The following METTL15 variants were observed in gnomAD, a reference collection of about 807,000 sequenced individuals.
METTL15 encodes the protein methyltransferase 15, mitochondrial 12S rRNA N4-cytidine.
METTL15 carries 34 observed loss-of-function variants against 38.3 expected under a neutral mutation model. The observed-to-expected ratio is 0.89, with a 90% CI of 0.68 to 1.18. The LOEUF (loss-of-function observed/expected upper bound fraction) is 1.18, where lower values mean the gene tolerates loss of function less well. Ranked by LOEUF, METTL15 falls within the 50% of genes most tolerant of loss-of-function variation. METTL15 has a pLI of 0.00. For synonymous variants in METTL15, 162 were observed against 170.9 expected, an observed-to-expected ratio of 0.95 and a Z score of 0.41; for missense variants, 438 against 498.4, an observed-to-expected ratio of 0.88 and a Z score of 1.15.
At chr11:28,111,563 GT>G (rs1851720144) in intron 2 of METTL15, among the ~76,000 whole-genome samples, 1 of 152,204 alleles carries the variant, frequency 6.6e-6, no homozygotes, top group South Asian at 2.1e-4. Context: ...AATTACATAA[GT>G]GGATTAAATA....
intron 6 of METTL15, among the ~76,000 whole-genome samples, chr11:28,435,861 T>C (rs1281804912): frequency 6.6e-6 from 1 of 152,228 alleles, no homozygotes; most frequent in African/African-American, 2.4e-5. Flanking sequence ...CCTGTGATTT[T>C]GTCTTTGCCC....
intron 4 of METTL15, among the ~76,000 whole-genome samples, chr11:28,248,719 G>A (rs1854614672): frequency 6.6e-6 from 1 of 151,776 alleles, no homozygotes; most frequent in Non-Finnish European, 1.5e-5. Context: ...TCCACAAAAT[G>A]AAAGTTATTT....
intron 5 of METTL15, among the ~76,000 whole-genome samples, chr11:28,398,138 G>T (rs994446270): frequency 6.6e-6 from 1 of 151,144 alleles, no homozygotes; most frequent in Non-Finnish European, 1.5e-5. Flanking sequence ...ACCTAATTGT[G>T]CATCACACCA....
intron 4 of METTL15, among the ~76,000 whole-genome samples, chr11:28,286,891 G>C (rs1248900634): frequency 6.6e-6 from 1 of 151,416 alleles, no homozygotes; most frequent in Non-Finnish European, 1.5e-5. Flanking sequence ...CGCACACACA[G>C]ACTATATATA....
intron 5 of METTL15, among the ~76,000 whole-genome samples, chr11:28,405,594 C>T (rs1363214518): frequency 6.6e-6 from 1 of 152,060 alleles, no homozygotes; most frequent in Admixed American, 6.6e-5. Context: ...CGTGTGAGAA[C>T]ATTACGGGCT....
At chr11:28,198,911 C>T (rs1222977766) in intron 3 of METTL15, among the ~76,000 whole-genome samples, 3 of 151,422 alleles carry the variant, frequency 2.0e-5, no homozygotes, top group Non-Finnish European at 2.9e-5. Context: ...TGATTCAGCA[C>T]ACAATGGTAG....
At chr11:28,531,304 A>G (rs1445101771), downstream of METTL15, among the ~76,000 whole-genome samples, 1 of 152,068 alleles carries the variant, frequency 6.6e-6, no homozygotes, top group Non-Finnish European at 1.5e-5. Flanking sequence ...TTTTCCTTGT[A>G]TCATGCTTTT....
chr11:28,238,057 A>G (rs938264590), intron 4 of METTL15, among the ~76,000 whole-genome samples: 1 of 152,198 alleles, frequency 6.6e-6, no homozygotes, highest in Non-Finnish European at 1.5e-5. Context: ...GTCAGGGGTC[A>G]GGGACCCACT....
intron 5 of METTL15, among the ~76,000 whole-genome samples, chr11:28,403,547 A>G (rs914539219): frequency 2.6e-5 from 4 of 152,060 alleles, no homozygotes; most frequent in African/African-American, 9.7e-5. Context: ...GCTCAGGAGC[A>G]TACAGGAGAA....
chr11:28,470,621 C>T (rs1038400213), intron 6 of METTL15, among the ~76,000 whole-genome samples: 3 of 152,052 alleles, frequency 2.0e-5, no homozygotes, highest in Admixed American at 2.0e-4. Context: ...AAGAGAAGTG[C>T]TGTCTTCCTT....
intron 4 of METTL15, among the ~76,000 whole-genome samples, chr11:28,255,950 G>A (rs994686060): frequency 3.9e-5 from 6 of 152,150 alleles, no homozygotes; most frequent in Admixed American, 3.9e-4. Context: ...TGATCCGCCT[G>A]CCTCGGACTC....
At chr11:28,465,161 A>G (rs1214150302) in intron 6 of METTL15, among the ~76,000 whole-genome samples, 1 of 152,202 alleles carries the variant, frequency 6.6e-6, no homozygotes, top group African/African-American at 2.4e-5. Flanking sequence ...CCTTATTCAG[A>G]TAAGAAAGAT....
intron 6 of METTL15, among the ~76,000 whole-genome samples, chr11:28,516,097 C>G (rs1210448132): frequency 6.6e-6 from 1 of 152,178 alleles, no homozygotes; most frequent in Non-Finnish European, 1.5e-5. Flanking sequence ...GAATAAGACT[C>G]AATCAAATAA....
At chr11:28,322,978 A>C (rs1369161528) in intron 6 of METTL15, among the ~76,000 whole-genome samples, 2 of 152,210 alleles carry the variant, frequency 1.3e-5, no homozygotes, top group Non-Finnish European at 2.9e-5. Context: ...TTTTAAAGAT[A>C]AGTAAACTAA....
intron 3 of METTL15, among the ~76,000 whole-genome samples, chr11:28,348,719 T>C (rs1246575734): frequency 6.6e-6 from 1 of 152,014 alleles, no homozygotes; most frequent in Admixed American, 6.6e-5. Flanking sequence ...TATGTATGTA[T>C]GTATGTATGT....
chr11:28,522,528 G>A (rs986573393), intron 6 of METTL15, among the ~76,000 whole-genome samples: 2 of 152,172 alleles, frequency 1.3e-5, no homozygotes, highest in African/African-American at 4.8e-5. Flanking sequence ...TTTATTCGAA[G>A]TCCACCAATT....
intron 6 of METTL15, among the ~76,000 whole-genome samples, chr11:28,483,230 C>T (rs1052206302): frequency 1.3e-5 from 2 of 152,144 alleles, no homozygotes; most frequent in African/African-American, 4.8e-5. Flanking sequence ...TGGCATTCGA[C>T]AAGACGACAG....
chr11:28,119,518 A>G (rs1219502554), intron 3 of METTL15, among the ~76,000 whole-genome samples: 1 of 152,218 alleles, frequency 6.6e-6, no homozygotes, highest in Non-Finnish European at 1.5e-5. Context: ...AAAGGCTGAG[A>G]AAATAAGCTG....
chr11:28,161,548 G>A (rs1850464837), intron 3 of METTL15, among the ~76,000 whole-genome samples: 1 of 152,068 alleles, frequency 6.6e-6, no homozygotes. Context: ...TTAAGCAAAA[G>A]GGAAATAATT....
Sources: gnomAD v4.1 joint callset for allele counts (sites outside exome capture counted in the v4.1 genomes callset) on GRCh38, gnomAD v4.1.1 for gene constraint, MANE v1.5 for transcripts, NCBI Gene and HGNC (gene_info 2026-07-23, HGNC 2026-07-21) for gene names.